The following CLRN1 variants were observed in gnomAD, a reference collection of about 807,000 sequenced individuals.
CLRN1 encodes clarin 1, also known as clarin-1.
Under a neutral mutation model 18.7 loss-of-function variants are expected in CLRN1, and 15 were observed. That is an observed-to-expected ratio of 0.80 (90% CI 0.54 to 1.23). CLRN1 has a LOEUF of 1.23. CLRN1 is among the 50% of genes most tolerant of loss of function. The pLI, the probability that CLRN1 is intolerant of heterozygous loss-of-function variation, is 0.00. For missense variants in CLRN1, 311 were observed against 277.5 expected, an observed-to-expected ratio of 1.12 and a Z score of -0.86; for synonymous variants, 104 against 102.9, an observed-to-expected ratio of 1.01 and a Z score of -0.07.
At chr3:150,944,274 C>T in intron 1 of CLRN1, 1 of 233,492 alleles carries the variant, frequency 4.3e-6, no homozygotes, top group Non-Finnish European at 8.7e-6. Flanking sequence ...ATTGTTGTAC[C>T]CACTGGATCC....
Position 150,943,929 on chromosome 3 carries a change from A to G in CLRN1, c.254-2168T>C, listed in dbSNP as rs746990948. 3.6e-5 allele frequency: 58 copies of G among 1,608,464 alleles called. No homozygotes were observed. The African/African-American group carries it at 7.5e-4, about 21-fold the overall frequency. ...TGCTCCCTCCTGCAAGAGGTTGAGCAGGGCAGGCTGAGTAAATGGGGTACC... is the reference window on the plus strand; with the variant it reads ...TGCTCCCTCCTGCAAGAGGTTGAGCGGGGCAGGCTGAGTAAATGGGGTACC... On this transcript the variant is annotated intron_variant, in intron 1 of 2. Coordinates refer to ENST00000327047, the MANE Select transcript of CLRN1 (RefSeq NM_174878.3).
intron 1 of CLRN1, chr3:150,945,743 A>G: frequency 1.1e-6 from 1 of 893,812 alleles, no homozygotes; most frequent in Non-Finnish European, 1.5e-6. Flanking sequence ...CATCATGTTT[A>G]CAAAGATGAA....
intron 1 of CLRN1, among the ~76,000 whole-genome samples, chr3:150,967,699 G>A (rs199910858): frequency 1.3e-5 from 2 of 152,142 alleles, no homozygotes; most frequent in Admixed American, 6.5e-5. Context: ...TAGGAGAGAC[G>A]CAAGGTGTGC....
intron 1 of CLRN1, among the ~76,000 whole-genome samples, chr3:150,962,357 AT>A (rs1236385997): frequency 6.6e-6 from 1 of 152,194 alleles, no homozygotes; most frequent in East Asian, 1.9e-4. Flanking sequence ...TGACAGGCAA[AT>A]TTTTCAGTCT....
intron 1 of CLRN1, 76 bp from the exon 2 acceptor site, chr3:150,941,837 T>C (rs1713866108): frequency 7.6e-7 from 1 of 1,309,430 alleles, no homozygotes; most frequent in Non-Finnish European, 1.1e-6. Context: ...AAAAATCAAA[T>C]CTCTCTTTTT....
chr3:150,927,232 C>G lies in CLRN1; in HGVS notation c.*704G>C, dbSNP rs1382554817. 1 of 488,928 alleles carries G rather than the reference C, an allele frequency of 2.0e-6. No individual in the cohort carries two copies. The highest frequency in any genetic ancestry group is 1.5e-5 in the South Asian group (1 of 64,786). 30.3% of individuals were successfully genotyped at this position (488,928 alleles called of 1,614,324 possible). Reference sequence around the variant, plus strand: ...TTCTTTTAGAGTTTGCAGATTTTGACCAACAGACATGGTTAATAAGACTAT... The same window carrying G: ...TTCTTTTAGAGTTTGCAGATTTTGAGCAACAGACATGGTTAATAAGACTAT... On this transcript the variant is annotated 3_prime_UTR_variant, in exon 3 of 3. Coordinates refer to ENST00000327047, the MANE Select transcript of CLRN1 (RefSeq NM_174878.3).
At chr3:150,960,089 A>G (rs955527206) in intron 1 of CLRN1, among the ~76,000 whole-genome samples, 6 of 152,158 alleles carry the variant, frequency 3.9e-5, no homozygotes, top group Non-Finnish European at 5.9e-5. Flanking sequence ...AGGAAAGTTT[A>G]AAATTCATCT....
At chr3:150,958,932 C>G (rs909059765) in intron 1 of CLRN1, among the ~76,000 whole-genome samples, 4 of 152,214 alleles carry the variant, frequency 2.6e-5, no homozygotes, top group African/African-American at 9.6e-5. Context: ...AACTCTTTCT[C>G]TGTTACGGTA....
intron 1 of CLRN1, among the ~76,000 whole-genome samples, chr3:150,968,561 G>A (rs1026767161): frequency 6.6e-6 from 1 of 152,190 alleles, no homozygotes; most frequent in African/African-American, 2.4e-5. Flanking sequence ...AAGAGATAGA[G>A]TGGTCAATAG....
intron 1 of CLRN1, among the ~76,000 whole-genome samples, chr3:150,948,129 T>TAAGA (rs1714274088): frequency 6.6e-6 from 1 of 151,912 alleles, no homozygotes; most frequent in African/African-American, 2.4e-5. Context: ...AAAAAATTAA[T>TAAGA]AAGATAGATA....
chr3:150,972,557 C>A lies in CLRN1; in HGVS notation c.152G>T (p.Gly51Val), dbSNP rs767036456. 199 of 1,614,104 alleles carry A rather than the reference C, an allele frequency of 1.2e-4. 1 individual carries two copies. The highest frequency in any genetic ancestry group is 1.6e-4 in the Non-Finnish European group (194 of 1,180,050). Residue 51 changes from glycine (G) to valine (V), a missense_variant, in exon 1 of 3, where the codon GGG becomes GTG. By Grantham distance (109) the Gly-to-Val change is moderately radical (BLOSUM62 -3). Transcript: ENST00000327047. ...ACCCATAAACTTGTCCAGCTCCTGCCCTGAGGCATTGACGAGCAGAGCTCC... is the reference window on the plus strand; with the variant it reads ...ACCCATAAACTTGTCCAGCTCCTGCACTGAGGCATTGACGAGCAGAGCTCC... ...KTGALLVNASGQELDKFMGEM... is the reference protein window; with the variant it reads ...KTGALLVNASVQELDKFMGEM...
At chr3:150,969,431 A>C (rs981181458) in intron 1 of CLRN1, among the ~76,000 whole-genome samples, 46 of 140,616 alleles carry the variant, frequency 3.3e-4, no homozygotes, top group African/African-American at 1.2e-3. Context: ...GGTTCGTGCC[A>C]TTCTCCTGCC....
In CLRN1 at chr3:150,952,102, C is replaced by G. The variant is rs148929972; in HGVS notation, c.254-10341G>C. Reference sequence around the variant, plus strand: ...AGGACTTGCAGTTGTCCACTATGCCCCATCTTCCGGCAGCATAGCAGTCTT... The same window carrying G: ...AGGACTTGCAGTTGTCCACTATGCCGCATCTTCCGGCAGCATAGCAGTCTT... On this transcript the variant is annotated intron_variant, in intron 1 of 2. Coordinates refer to ENST00000327047, the MANE Select transcript of CLRN1 (RefSeq NM_174878.3). 2.9e-3 allele frequency among the ~76,000 whole-genome samples: 440 copies of G among 152,286 alleles called. 3 individuals are homozygous for G. The highest frequency in any genetic ancestry group is 5.0e-3 in the Non-Finnish European group (338 of 68,026).
At chr3:150,957,505 C>T (rs1049518584) in intron 1 of CLRN1, among the ~76,000 whole-genome samples, 1 of 152,182 alleles carries the variant, frequency 6.6e-6, no homozygotes, top group Non-Finnish European at 1.5e-5. Context: ...TTTGACATCT[C>T]TGTGGCATTT....
At chr3:150,938,000 C>G (rs1396966813) in intron 2 of CLRN1, among the ~76,000 whole-genome samples, 1 of 152,130 alleles carries the variant, frequency 6.6e-6, no homozygotes, top group Non-Finnish European at 1.5e-5. Flanking sequence ...CCCCTTTCTA[C>G]ATGCCCCAGG....
intron 1 of CLRN1, among the ~76,000 whole-genome samples, chr3:150,948,844 C>T (rs955184396): frequency 3.3e-5 from 5 of 152,174 alleles, no homozygotes; most frequent in African/African-American, 1.2e-4. Context: ...AGGAACTCCT[C>T]CCCAACTCAT....
At chr3:150,940,574 G>A (rs1321573307) in intron 2 of CLRN1, 2 of 1,492,784 alleles carry the variant, frequency 1.3e-6, no homozygotes, top group African/African-American at 2.8e-5. Context: ...TGTTTGCTTT[G>A]TGTGAGTTGT....
intron 2 of CLRN1, among the ~76,000 whole-genome samples, chr3:150,936,404 G>T (rs761299169): frequency 6.6e-6 from 1 of 152,072 alleles, no homozygotes; most frequent in African/African-American, 2.4e-5. Context: ...ACTCAGACTC[G>T]ATGTGCCCCA....
intron 2 of CLRN1, among the ~76,000 whole-genome samples, chr3:150,932,993 A>G (rs1460680360): frequency 6.6e-6 from 1 of 152,232 alleles, no homozygotes; most frequent in African/African-American, 2.4e-5. Flanking sequence ...AAGTTTTACA[A>G]ATGTTATATT....
Sources: allele counts gnomAD v4.1 joint callset (sites outside exome capture counted in the v4.1 genomes callset), GRCh38; gene constraint gnomAD v4.1.1; transcripts MANE v1.5; gene names NCBI Gene and HGNC (gene_info 2026-07-23, HGNC 2026-07-21).